TOPBP1: variants seen among roughly 807,000 people sequenced by gnomAD.
The protein encoded by TOPBP1 is DNA topoisomerase 2-binding protein 1.
In TOPBP1, 28 loss-of-function variants were observed where a neutral mutation model predicts 167.7. That is an observed-to-expected ratio of 0.17 (90% confidence interval 0.12 to 0.23). The LOEUF is 0.23. TOPBP1 is among the 10% of genes least tolerant of loss of function. The probability of loss-of-function intolerance (pLI) is 1.00; values close to 1 mark genes in which losing one functional copy is unlikely to be tolerated. For synonymous variants in TOPBP1, 598 were observed against 611.4 expected (o/e 0.98, Z 0.32); for missense variants, 1,554 against 1,809.6 (o/e 0.86, Z 2.56).
At chr3:133,629,767 TTA>T (rs1352093249) in intron 14 of TOPBP1, among the ~76,000 whole-genome samples, 1 of 151,768 alleles carries the variant, frequency 6.6e-6, no homozygotes, top group East Asian at 1.9e-4. Flanking sequence ...TTAAATATCT[TTA>T]TATGTGTGTG....
chr3:133,633,276 T>C (rs1935551562), intron 14 of TOPBP1, among the ~76,000 whole-genome samples: 1 of 152,214 alleles, frequency 6.6e-6, no homozygotes, highest in African/African-American at 2.4e-5. Flanking sequence ...ATTGTTATGA[T>C]GACGCCATTG....
At chr3:133,613,428 T>C (rs986228347) in intron 23 of TOPBP1, among the ~76,000 whole-genome samples, 1 of 152,198 alleles carries the variant, frequency 6.6e-6, no homozygotes, top group Non-Finnish European at 1.5e-5. Context: ...TTATGTCTCT[T>C]AAGTCTCAAT....
At chr3:133,627,411 G>A (rs1935304275) in intron 16 of TOPBP1, among the ~76,000 whole-genome samples, 2 of 152,102 alleles carry the variant, frequency 1.3e-5, no homozygotes, top group South Asian at 2.1e-4. Flanking sequence ...AACATAATAG[G>A]TAATTAGATA....
At chr3:133,602,892 ATTTT>A (rs11458236) in intron 27 of TOPBP1, among the ~76,000 whole-genome samples, 3 of 121,456 alleles carry the variant, frequency 2.5e-5, no homozygotes, top group African/African-American at 6.2e-5. Flanking sequence ...ACCTTTTTTC[ATTTT>A]TTTTTTTTTT....
Position 133,637,952 on chromosome 3 carries a change from T to C in TOPBP1, c.2444A>G (p.Glu815Gly). 1 of 1,613,996 alleles carries C rather than the reference T, an allele frequency of 6.2e-7. No individual in the cohort carries two copies. Among genetic ancestry groups the C allele is most frequent in the East Asian group, 2.2e-5 (1 of 44,880 alleles). Reference sequence around the variant, plus strand: ...TGGTGTATCCAGGTGTAACGAGGGCTCCTTCTGAAGTGGTTGTCCTACTGC... The same window carrying C: ...TGGTGTATCCAGGTGTAACGAGGGCCCCTTCTGAAGTGGTTGTCCTACTGC... ...SPAVGQPLQKEPSLHLDTPSK... is the reference protein window; with the variant it reads ...SPAVGQPLQKGPSLHLDTPSK... Residue 815 changes from glutamate (E) to glycine (G), a missense_variant, in exon 14 of 28, where the codon GAG becomes GGG. Glu to Gly is a moderately conservative substitution (Grantham distance 98). This residue lies in a region of TOPBP1 where 1,197 missense variants were observed against 1,351.5 expected (regional missense o/e 0.89). Coordinates refer to ENST00000260810, the MANE Select transcript of TOPBP1 (RefSeq NM_007027.4).
intron 27 of TOPBP1, among the ~76,000 whole-genome samples, chr3:133,601,995 G>A (rs759502307): frequency 6.6e-5 from 10 of 152,120 alleles, no homozygotes; most frequent in Admixed American, 1.3e-4. Flanking sequence ...GAGAATAAAC[G>A]AACCAAGCAA....
chr3:133,638,058 G>A lies in TOPBP1; in HGVS notation c.2338C>T (p.Pro780Ser), dbSNP rs1158760794. ...LQTHRKTVVT[P>S]LDMNRFQSKA... The stretch of plus-strand genomic sequence containing the variant: ...CTCTGAAAGCGGTTCATATCTAAAG[G>A]TGTAACGACGGTTTTTCTGTGAGTT... The change falls in exon 14 of 28, where the codon CCT (proline) becomes TCT (serine). Residue 780 changes from proline to serine, a missense_variant. Physicochemically the swap from Pro to Ser is moderately conservative, Grantham distance 74 (BLOSUM62 -1). This residue lies in a region of TOPBP1 where 1,197 missense variants were observed against 1,351.5 expected (regional missense o/e 0.89). Transcript: ENST00000260810. 8.1e-6 allele frequency: 13 copies of A among 1,614,006 alleles called. No homozygotes were observed. Among genetic ancestry groups the A allele is most frequent in the Non-Finnish European group, 8.5e-7 (1 of 1,179,880 alleles).
chr3:133,651,256 G>A (rs1021538934), intron 8 of TOPBP1, among the ~76,000 whole-genome samples: 1 of 144,410 alleles, frequency 6.9e-6, no homozygotes, highest in Non-Finnish European at 1.5e-5. Flanking sequence ...GCGCAATCTC[G>A]GCTCACTGTA....
chr3:133,635,068 TAATA>T (rs927261601), intron 14 of TOPBP1, among the ~76,000 whole-genome samples: 1 of 152,086 alleles, frequency 6.6e-6, no homozygotes, highest in Non-Finnish European at 1.5e-5. Context: ...AACTGACAAA[TAATA>T]AAGAATACTA....
intron 21 of TOPBP1, 126 bp from the exon 22 acceptor site, chr3:133,617,452 A>T: frequency 9.5e-7 from 1 of 1,057,678 alleles, no homozygotes; most frequent in Non-Finnish European, 1.3e-6. Flanking sequence ...TAAAAAGTAC[A>T]GGCAAAAAAG....
In TOPBP1 at chr3:133,637,882, A is replaced by C; in HGVS notation, c.2514T>G (p.Asp838Glu). 6.2e-7 allele frequency: 1 copy of C among 1,613,658 alleles called. No homozygotes were observed. Among genetic ancestry groups the C allele is most frequent in the Non-Finnish European group, 8.5e-7 (1 of 1,179,674 alleles). Residue 838 changes from aspartate (D) to glutamate (E), a missense_variant, in exon 14 of 28, where the codon GAT becomes GAG. By Grantham distance (45) the Asp-to-Glu change is conservative (BLOSUM62 2). This residue lies in a region of TOPBP1 where 1,197 missense variants were observed against 1,351.5 expected (regional missense o/e 0.89). Transcript: ENST00000260810. ...SKDKLFKPSF[D>E]VKDALAALET... ...CACTGCCTATAAACCTTACCTTCAC[A>C]TCAAAGGAAGGCTTGAAGAGTTTGT...
At chr3:133,638,787 T>A (rs1466251850) in intron 13 of TOPBP1, among the ~76,000 whole-genome samples, 72 of 152,288 alleles carry the variant, frequency 4.7e-4, no homozygotes, top group Non-Finnish European at 5.9e-5. Flanking sequence ...CCACCTTTTT[T>A]CAACATTTAA....
rs79533362 is a variant in TOPBP1, at chr3:133,623,379, C to T, written c.3007G>A (p.Ala1003Thr). The T allele has an allele frequency of 1.2e-3, 1,927 of 1,613,214 alleles. 40 individuals carry two copies. The East Asian group carries it at 0.038, about 32-fold the overall frequency. The change falls in exon 18 of 28, where the codon GCA becomes ACA. Residue 1003 changes from alanine (A) to threonine (T), a missense_variant. Transcript: ENST00000260810. Reference protein sequence around the residue: ...YNPKMSLDISAVQDGRLCNSR... With the variant: ...YNPKMSLDISTVQDGRLCNSR... ...TTACAGAGCCGGCCATCTTGCACTGCGCTGATATCCAAGCTCATTTTGGGA... is the reference window on the plus strand; with the variant it reads ...TTACAGAGCCGGCCATCTTGCACTGTGCTGATATCCAAGCTCATTTTGGGA...
chr3:133,612,059 T>C (rs1167770782), intron 24 of TOPBP1, among the ~76,000 whole-genome samples: 1 of 151,250 alleles, frequency 6.6e-6, no homozygotes, highest in African/African-American at 2.4e-5. Context: ...TTTTTTTTTT[T>C]AGATAGGGTC....
rs953964492 is a variant in TOPBP1 at position 133,638,109 on chromosome 3, C to T, written c.2287G>A (p.Ala763Thr). The change falls in exon 14 of 28, where the codon GCA becomes ACA. Residue 763 changes from alanine to threonine, a missense_variant. This residue lies in a region of TOPBP1 where 1,197 missense variants were observed against 1,351.5 expected (regional missense o/e 0.89). Coordinates refer to ENST00000260810, the MANE Select transcript of TOPBP1 (RefSeq NM_007027.4). ...TNGINLNSDT[A>T]EHPGTRLQTH... ...TGCAGGCGTGTGCCAGGATGCTCTG[C>T]AGTATCTGAATTTAGATTGATTCCA... The T allele has an allele frequency of 1.7e-5, 28 of 1,613,848 alleles. No individual in the cohort carries two copies. The East Asian group carries it at 5.6e-4, about 32-fold the overall frequency.
At chr3:133,630,478 C>T (rs928616911) in intron 14 of TOPBP1, among the ~76,000 whole-genome samples, 7 of 151,900 alleles carry the variant, frequency 4.6e-5, no homozygotes, top group African/African-American at 1.7e-4. Flanking sequence ...TAAAATTTTT[C>T]ATAGAGACAG....
intron 14 of TOPBP1, among the ~76,000 whole-genome samples, chr3:133,636,697 A>G (rs549804602): frequency 6.6e-6 from 1 of 152,284 alleles, no homozygotes; most frequent in Non-Finnish European, 1.5e-5. Context: ...TTTGCTCTTC[A>G]GAGAGTCTGT....
chr3:133,602,418 A>G (rs1559802468), intron 27 of TOPBP1, among the ~76,000 whole-genome samples: 1 of 152,246 alleles, frequency 6.6e-6, no homozygotes. Context: ...GGAAAATGTT[A>G]TCAGATGGAA....
chr3:133,655,938 TGAAGTA>T (rs1176862465), intron 5 of TOPBP1, among the ~76,000 whole-genome samples: 1 of 152,114 alleles, frequency 6.6e-6, no homozygotes, highest in Non-Finnish European at 1.5e-5. Context: ...GGTGTGCTGA[TGAAGTA>T]ATCACATTGG....
Sources: allele counts gnomAD v4.1 joint callset (sites outside exome capture counted in the v4.1 genomes callset), GRCh38; gene constraint gnomAD v4.1.1; regional missense constraint gnomAD v4.1.1; transcripts MANE v1.5; gene names NCBI Gene and HGNC (gene_info 2026-07-23, HGNC 2026-07-21).